SLC1A3: variants seen among roughly 807,000 people sequenced by gnomAD.
SLC1A3 encodes the protein excitatory amino acid transporter 1.
SLC1A3 carries 21 observed loss-of-function variants against 48.1 expected under a neutral mutation model. The ratio of observed to expected loss-of-function variants is 0.44; its 90% CI spans 0.31 to 0.63. The LOEUF (loss-of-function observed/expected upper bound fraction) is 0.63, where lower values mean the gene tolerates loss of function less well. SLC1A3 is among the 20% of genes least tolerant of loss of function. The probability of loss-of-function intolerance (pLI) is 0.08; values close to 1 mark genes in which losing one functional copy is unlikely to be tolerated. For synonymous variants in SLC1A3, 239 were observed against 251.4 expected (o/e 0.95, Z 0.47); for missense variants, 546 against 689.0 (o/e 0.79, Z 2.32).
At chr5:36,628,477 A>G (rs1177437146) in intron 2 of SLC1A3, among the ~76,000 whole-genome samples, 3 of 152,164 alleles carry the variant, frequency 2.0e-5, no homozygotes, top group Non-Finnish European at 4.4e-5. Flanking sequence ...CTTTCTCTAT[A>G]ACTTACATGG....
intron 4 of SLC1A3, among the ~76,000 whole-genome samples, chr5:36,672,214 G>A (rs1042666483): frequency 6.6e-5 from 10 of 152,142 alleles, no homozygotes; most frequent in African/African-American, 2.2e-4. Flanking sequence ...GAGAGCTCTG[G>A]GAGAATATAG....
chr5:36,616,421 T>C (rs1739437293), intron 2 of SLC1A3, among the ~76,000 whole-genome samples: 1 of 152,178 alleles, frequency 6.6e-6, no homozygotes, highest in South Asian at 2.1e-4. Flanking sequence ...GTATAACTTA[T>C]CAAAGATTGG....
At chr5:36,616,027 C>G (rs571186172) in intron 2 of SLC1A3, among the ~76,000 whole-genome samples, 37 of 152,274 alleles carry the variant, frequency 2.4e-4, no homozygotes, top group African/African-American at 8.4e-4. Flanking sequence ...GAAACCCGGT[C>G]TCTACTAAAA....
chr5:36,600,500 G>C (rs762019289), intron 1 of SLC1A3, among the ~76,000 whole-genome samples: 14 of 152,152 alleles, frequency 9.2e-5, no homozygotes, highest in Non-Finnish European at 1.8e-4. Flanking sequence ...AAAATCTACT[G>C]CATGTCAGCA....
intron 3 of SLC1A3, 152 bp downstream of exon 3, chr5:36,629,739 C>A (rs368292753): frequency 2.7e-6 from 2 of 744,832 alleles, no homozygotes; most frequent in Non-Finnish European, 4.8e-6. Context: ...GGAAAGGAGG[C>A]TTTAGTAATG....
intron 2 of SLC1A3, among the ~76,000 whole-genome samples, chr5:36,616,260 G>A (rs898874646): frequency 6.6e-6 from 1 of 152,108 alleles, no homozygotes; most frequent in Non-Finnish European, 1.5e-5. Flanking sequence ...TTATTCCCTA[G>A]GCCAAGAATA....
chr5:36,613,157 C>A, intron 2 of SLC1A3: 1 of 232,414 alleles, frequency 4.3e-6, no homozygotes, highest in Non-Finnish European at 8.7e-6. Context: ...GGTGCATATA[C>A]AATGGAAGAA....
At position 36,671,247 on chromosome 5, in the gene SLC1A3, AGCCC is replaced by A; in HGVS notation, c.524+16_524+19del. On this transcript the variant is annotated intron_variant, in intron 4 of 9. Coordinates refer to ENST00000265113, the MANE Select transcript of SLC1A3 (RefSeq NM_004172.5). ...GGACTTGATCAGGTATGTCCTTGCA[AGCCC>A]GTCCTTTGGGGTGTATTTTCGCCAT... 2 of 1,600,934 alleles carry A rather than the reference AGCCC, an allele frequency of 1.2e-6. No individual in the cohort carries two copies. Among genetic ancestry groups the A allele is most frequent in the Non-Finnish European group, 1.7e-6 (2 of 1,168,698 alleles).
In SLC1A3 at chr5:36,686,276, A is replaced by G. The variant is rs778126930; in HGVS notation, c.*7A>G. The G allele has an allele frequency of 1.3e-5, 20 of 1,596,684 alleles. No homozygotes were observed. The highest frequency in any genetic ancestry group is 1.1e-4 in the South Asian group (10 of 90,726). On this transcript the variant is annotated 3_prime_UTR_variant, in exon 10 of 10. Transcript: ENST00000265113. ...CAGTGAAACCAAGATGTAGACTAAC[A>G]TAAAGAAACACTTTCTTGAGCACCA...
chr5:36,668,140 GC>G (rs1290280954), intron 3 of SLC1A3: 3 of 152,204 alleles, frequency 2.0e-5, no homozygotes, highest in Non-Finnish European at 4.4e-5. Flanking sequence ...CTGCCAAAGT[GC>G]CCCATTCTAC....
At chr5:36,621,655 A>G (rs1052389022) in intron 2 of SLC1A3, among the ~76,000 whole-genome samples, 1 of 152,228 alleles carries the variant, frequency 6.6e-6, no homozygotes, top group African/African-American at 2.4e-5. Context: ...GAAGCATAGA[A>G]GGCAATAGAG....
chr5:36,675,544 A>G (rs1473980404), intron 5 of SLC1A3, among the ~76,000 whole-genome samples: 1 of 152,248 alleles, frequency 6.6e-6, no homozygotes, highest in Non-Finnish European at 1.5e-5. Flanking sequence ...TTAGACCAGG[A>G]TGCAAACAAG....
chr5:36,661,960 T>G (rs1478107574), intron 3 of SLC1A3, among the ~76,000 whole-genome samples: 1 of 152,178 alleles, frequency 6.6e-6, no homozygotes, highest in Non-Finnish European at 1.5e-5. Flanking sequence ...AAGACAGTCA[T>G]GCGGGAAGGT....
intron 2 of SLC1A3, among the ~76,000 whole-genome samples, chr5:36,621,789 CCT>C (rs1739684861): frequency 6.6e-6 from 1 of 152,124 alleles, no homozygotes; most frequent in Non-Finnish European, 1.5e-5. Flanking sequence ...GGCCCAGAGA[CCT>C]CTGCATGTTA....
chr5:36,609,295 T>G (rs1739099524), intron 2 of SLC1A3: 1 of 916,714 alleles, frequency 1.1e-6, no homozygotes, highest in Non-Finnish European at 1.3e-6. Context: ...TTATTGATCT[T>G]AAAAGTTATA....
At chr5:36,682,285 A>T (rs1742469448) in intron 8 of SLC1A3, among the ~76,000 whole-genome samples, 1 of 152,204 alleles carries the variant, frequency 6.6e-6, no homozygotes, top group Non-Finnish European at 1.5e-5. Flanking sequence ...TTTATTTAGA[A>T]ATAAGTTGTT....
chr5:36,659,454 C>T (rs765491043), intron 3 of SLC1A3, among the ~76,000 whole-genome samples: 41 of 152,178 alleles, frequency 2.7e-4, no homozygotes, highest in Non-Finnish European at 5.3e-4. Context: ...TCACTGTCAT[C>T]ATGCCACATA....
intron 2 of SLC1A3, among the ~76,000 whole-genome samples, chr5:36,615,964 G>A (rs548318001): frequency 1.3e-5 from 2 of 152,190 alleles, no homozygotes; most frequent in Non-Finnish European, 2.9e-5. Context: ...TTGGGAGGCC[G>A]AGGCGGGTGG....
chr5:36,677,267 C>A (rs113797526), intron 6 of SLC1A3, 83 bp downstream of exon 6: 2 of 1,275,218 alleles, frequency 1.6e-6, no homozygotes, highest in Non-Finnish European at 2.3e-6. Context: ...GAAGGTGCCA[C>A]GAGGCAGGAT....
Sources: gnomAD v4.1 joint callset for allele counts (sites outside exome capture counted in the v4.1 genomes callset) on GRCh38, gnomAD v4.1.1 for gene constraint, MANE v1.5 for transcripts, NCBI Gene and HGNC (gene_info 2026-07-23, HGNC 2026-07-21) for gene names.